Variants in PLAG1 observed in about 807,000 individuals in gnomAD.
PLAG1 encodes the protein PLAG1 zinc finger.
A neutral mutation model predicts 35.5 loss-of-function variants in PLAG1; 7 were observed. The ratio of observed to expected loss-of-function variants is 0.20; its 90% confidence interval spans 0.11 to 0.37. PLAG1 has a LOEUF of 0.37. PLAG1 is among the 10% of genes least tolerant of loss of function. The probability of loss-of-function intolerance (pLI) is 1.00; values close to 1 mark genes in which losing one functional copy is unlikely to be tolerated. For missense variants in PLAG1, 454 were observed against 602.8 expected, an observed-to-expected ratio of 0.75 and a Z score of 2.58; for synonymous variants, 229 against 225.4, an observed-to-expected ratio of 1.02 and a Z score of -0.14.
At chr8:56,191,221 G>T (rs1812172069) in intron 1 of PLAG1, among the ~76,000 whole-genome samples, 1 of 152,178 alleles carries the variant, frequency 6.6e-6, no homozygotes, top group African/African-American at 2.4e-5. Flanking sequence ...GCAGGAAGAT[G>T]AAGTAGAGAG....
rs963060650 is a variant in PLAG1 at position 56,162,544 on chromosome 8, T to C, written c.*3699A>G. Reference sequence around the variant, plus strand: ...ATATCATCTAATGGCACTTGAATTATAATAAGTCTTAAAATAAAAGGCATA... The same window carrying C: ...ATATCATCTAATGGCACTTGAATTACAATAAGTCTTAAAATAAAAGGCATA... On this transcript the variant is annotated 3_prime_UTR_variant, in exon 5 of 5. Transcript: ENST00000316981. 5 of 210,606 alleles carry C rather than the reference T, an allele frequency of 2.4e-5. No homozygotes were observed. Among genetic ancestry groups the C allele is most frequent in the Non-Finnish European group, 3.9e-5 (4 of 103,530 alleles). 13.0% of individuals were successfully genotyped at this position (210,606 alleles called of 1,614,324 possible). A position where few individuals can be genotyped will look rare whatever the true frequency, so the allele number is the denominator to read the frequency against.
chr8:56,178,249 G>A (rs1439838423), intron 2 of PLAG1, among the ~76,000 whole-genome samples: 1 of 151,952 alleles, frequency 6.6e-6, no homozygotes, highest in Non-Finnish European at 1.5e-5. Flanking sequence ...TACAGATATA[G>A]GAGAATAAAA....
At position 56,162,728 on chromosome 8, in the gene PLAG1, C is replaced by A. The variant is rs1292081439; in HGVS notation, c.*3515G>T. The A allele has an allele frequency of 2.4e-5, 5 of 209,736 alleles. No homozygotes were observed. The highest frequency in any genetic ancestry group is 4.9e-5 in the Non-Finnish European group (5 of 102,950). 13.0% of individuals were successfully genotyped at this position (209,736 alleles called of 1,614,324 possible). A position where few individuals can be genotyped will look rare whatever the true frequency, so the allele number is the denominator to read the frequency against. On this transcript the variant is annotated 3_prime_UTR_variant, in exon 5 of 5. Coordinates refer to ENST00000316981, the MANE Select transcript of PLAG1 (RefSeq NM_002655.3). ...AGATGAACGATCCTGAAAATATGTA[C>A]TCTTTAACATTCATTATTAGCTTAA...
chr8:56,195,358 T>C (rs1164120623), intron 1 of PLAG1, among the ~76,000 whole-genome samples: 1 of 152,174 alleles, frequency 6.6e-6, no homozygotes, highest in East Asian at 1.9e-4. Context: ...CATCACTATG[T>C]GTAGGTGCCC....
intron 1 of PLAG1, among the ~76,000 whole-genome samples, chr8:56,195,977 C>T (rs1227374683): frequency 1.3e-5 from 2 of 152,132 alleles, no homozygotes; most frequent in Admixed American, 1.3e-4. Context: ...TGGGAGGACA[C>T]ACCAAACTGC....
At chr8:56,209,977 T>C (rs1812812195) in intron 1 of PLAG1, among the ~76,000 whole-genome samples, 2 of 152,182 alleles carry the variant, frequency 1.3e-5, no homozygotes, top group Admixed American at 6.5e-5. Context: ...AAGAGAGTTA[T>C]AAAATAGCAA....
intron 1 of PLAG1, among the ~76,000 whole-genome samples, chr8:56,193,953 C>T (rs1028415654): frequency 2.6e-5 from 4 of 151,964 alleles, no homozygotes; most frequent in South Asian, 2.1e-4. Flanking sequence ...CTCTCGACCC[C>T]GTGATCCACT....
In PLAG1 at chr8:56,166,973, A is replaced by G. The variant is rs1487572023; in HGVS notation, c.773T>C (p.Val258Ala). 4 of 1,613,992 alleles carry G rather than the reference A, an allele frequency of 2.5e-6. No homozygotes were observed. The African/African-American group carries it at 4.0e-5, about 16-fold the overall frequency. The stretch of plus-strand genomic sequence containing the variant: ...GAGCTCGTCTTTTATAGGCACAGAC[A>G]CATTGCAGGTAAATGGGTCAAGGAA... ...VDFLDPFTCN[V>A]SVPIKDELLP... The change falls in exon 5 of 5, where the codon GTG becomes GCG. Residue 258 changes from valine (V) to alanine (A), a missense_variant. By Grantham distance (64) the Val-to-Ala change is moderately conservative. This residue lies in a region of PLAG1 where 271 missense variants were observed against 315.6 expected (regional missense o/e 0.86). Coordinates refer to ENST00000316981, the MANE Select transcript of PLAG1 (RefSeq NM_002655.3).
At chr8:56,194,316 C>CAAAAAAA (rs544697171) in intron 1 of PLAG1, among the ~76,000 whole-genome samples, 1 of 56,300 alleles carries the variant, frequency 1.8e-5, no homozygotes. Context: ...AACTCTGTCT[C>CAAAAAAA]AAAAAAAAAA....
intron 1 of PLAG1, among the ~76,000 whole-genome samples, chr8:56,196,553 C>T (rs1269109378): frequency 1.3e-5 from 2 of 152,118 alleles, no homozygotes; most frequent in Non-Finnish European, 2.9e-5. Flanking sequence ...TCTATGGGCA[C>T]ACCCAGTGGG....
chr8:56,209,199 A>G (rs189316576), intron 1 of PLAG1: 1 of 152,372 alleles, frequency 6.6e-6, no homozygotes, highest in African/African-American at 2.4e-5. Context: ...ATAATGCTAT[A>G]CCATTACACC....
chr8:56,196,987 T>TGCGC (rs1554537800), intron 1 of PLAG1, among the ~76,000 whole-genome samples: 11 of 149,430 alleles, frequency 7.4e-5, no homozygotes, highest in South Asian at 2.1e-4. Context: ...TGTGTGTGTG[T>TGCGC]GCTCCTCTCT....
At chr8:56,171,971 AAAG>A (rs1199023845) in intron 2 of PLAG1, among the ~76,000 whole-genome samples, 1 of 152,208 alleles carries the variant, frequency 6.6e-6, no homozygotes, top group African/African-American at 2.4e-5. Flanking sequence ...GTAAACATGA[AAAG>A]AATAACGGTC....
chr8:56,161,626 ATGAATACAT>A lies in PLAG1; in HGVS notation c.*4608_*4616del, dbSNP rs1254187674. ...CCGAGATCTCCTTTTGCAAGTGCAC[ATGAATACAT>A]TGTGGTGGTGTAAAAGTTTGTTAAT... On this transcript the variant is annotated 3_prime_UTR_variant, in exon 5 of 5. Coordinates refer to ENST00000316981, the MANE Select transcript of PLAG1 (RefSeq NM_002655.3). The A allele has an allele frequency of 4.4e-6, 1 of 228,282 alleles. No homozygotes were observed. Among genetic ancestry groups the A allele is most frequent in the East Asian group, 6.2e-5 (1 of 16,004 alleles). 14.1% of individuals were successfully genotyped at this position (228,282 alleles called of 1,614,324 possible).
At chr8:56,208,739 T>C (rs1016298084) in intron 1 of PLAG1, among the ~76,000 whole-genome samples, 3 of 152,200 alleles carry the variant, frequency 2.0e-5, no homozygotes, top group Non-Finnish European at 2.9e-5. Flanking sequence ...ATAGTACAGC[T>C]AACAATTTAC....
chr8:56,205,460 T>G (rs941303278), intron 1 of PLAG1, among the ~76,000 whole-genome samples: 4 of 151,938 alleles, frequency 2.6e-5, no homozygotes, highest in Non-Finnish European at 4.4e-5. Flanking sequence ...AAGGTCATTA[T>G]GAAACCAGCA....
In PLAG1 at chr8:56,171,153, A is replaced by G. The variant is rs1197271261; in HGVS notation, c.-180T>C. 2.0e-6 allele frequency: 2 copies of G among 982,712 alleles called. No homozygotes were observed. Among genetic ancestry groups the G allele is most frequent in the Non-Finnish European group, 2.4e-6 (2 of 827,076 alleles). 60.9% of individuals were successfully genotyped at this position (982,712 alleles called of 1,614,324 possible). A position where few individuals can be genotyped will look rare whatever the true frequency, so the allele number is the denominator to read the frequency against. ...AGCCAGTCCCATTGACTCTTCGTGG[A>G]AGAGAGTGGAATCCAATCCTTCCCA... On this transcript the variant is annotated 5_prime_UTR_variant, in exon 3 of 5. Transcript: ENST00000316981.
At chr8:56,200,283 G>A (rs1446716716) in intron 1 of PLAG1, among the ~76,000 whole-genome samples, 1 of 152,124 alleles carries the variant, frequency 6.6e-6, no homozygotes, top group African/African-American at 2.4e-5. Context: ...AACCCATGAC[G>A]GAAGTTCCAA....
At chr8:56,183,723 T>C (rs1811938646) in intron 1 of PLAG1, among the ~76,000 whole-genome samples, 1 of 152,172 alleles carries the variant, frequency 6.6e-6, no homozygotes, top group Non-Finnish European at 1.5e-5. Flanking sequence ...GAAAAAATTA[T>C]TTCACCAAAA....
Sources: gnomAD v4.1 joint callset for allele counts (sites outside exome capture counted in the v4.1 genomes callset) on GRCh38, gnomAD v4.1.1 for gene constraint, gnomAD v4.1.1 regional missense constraint, MANE v1.5 for transcripts, NCBI Gene and HGNC (gene_info 2026-07-23, HGNC 2026-07-21) for gene names.